Variants in MTNR1B observed in about 807,000 individuals in gnomAD.
The protein encoded by MTNR1B is melatonin receptor 1B, also known as melatonin receptor type 1B.
Under a neutral mutation model 7.0 loss-of-function variants are expected in MTNR1B, and 7 were observed. That is an observed-to-expected ratio of 1.00 (90% CI 0.57 to 1.88). The LOEUF (loss-of-function observed/expected upper bound fraction) is 1.88. Ranked by LOEUF, MTNR1B falls within the 40% of genes most tolerant of loss-of-function variation. MTNR1B has a pLI of 0.00. For missense variants in MTNR1B, 478 were observed against 486.5 expected (o/e 0.98, Z 0.16); for synonymous variants, 226 against 208.2 (o/e 1.09, Z -0.74).
At chr11:92,978,152 G>T (rs1398752172) in intron 1 of MTNR1B, among the ~76,000 whole-genome samples, 1 of 152,180 alleles carries the variant, frequency 6.6e-6, no homozygotes, top group Non-Finnish European at 1.5e-5. Context: ...GCACAGAGGA[G>T]GGGGGCAAGG....
intron 1 of MTNR1B, 73 bp downstream of exon 1, chr11:92,970,021 G>A: frequency 7.1e-7 from 1 of 1,409,698 alleles, no homozygotes; most frequent in Non-Finnish European, 9.4e-7. Context: ...CCTGACCCCG[G>A]GATATGCGCT....
chr11:92,969,808 C>A lies in MTNR1B; in HGVS notation c.83C>A (p.Ala28Glu). The A allele has an allele frequency of 6.4e-7, 1 of 1,568,062 alleles. No homozygotes were observed. ...VRPGWSGAGSARPSRTPRPPW... is the reference protein window; with the variant it reads ...VRPGWSGAGSERPSRTPRPPW... ...CCGGGCTGGTCGGGGGCTGGCAGCGCGCGGCCCTCCAGGACCCCTCGACCT... is the reference window on the plus strand; with the variant it reads ...CCGGGCTGGTCGGGGGCTGGCAGCGAGCGGCCCTCCAGGACCCCTCGACCT... Residue 28 changes from alanine to glutamate, a missense_variant, in exon 1 of 2, where the codon GCG (alanine) becomes GAG (glutamate). Transcript: ENST00000257068.
intron 1 of MTNR1B, among the ~76,000 whole-genome samples, chr11:92,973,731 A>G (rs920269473): frequency 6.6e-6 from 1 of 152,174 alleles, no homozygotes; most frequent in African/African-American, 2.4e-5. Context: ...TCACTGTACT[A>G]TTGTTCTTTG....
At chr11:92,982,987 G>A (rs1200335529), downstream of MTNR1B, among the ~76,000 whole-genome samples, 2 of 129,638 alleles carry the variant, frequency 1.5e-5, no homozygotes, top group Admixed American at 8.7e-5. Flanking sequence ...AGCATCTGGA[G>A]CACAAAGTCC....
Position 92,969,958 on chromosome 11 carries a change from A to T in MTNR1B, c.223+10A>T, listed in dbSNP as rs373074864. On this transcript the variant is annotated intron_variant, in intron 1 of 1. Transcript: ENST00000257068. ...AAGCTCCGGAACGCAGGTGAGCACC[A>T]TTCCTGATGCTGGGTGCTGGCATCG... 6.3e-7 allele frequency: 1 copy of T among 1,599,388 alleles called. No individual in the cohort carries two copies. The highest frequency in any genetic ancestry group is 1.1e-5 in the South Asian group (1 of 88,892).
intron 1 of MTNR1B, 92 bp from the exon 2 acceptor site, chr11:92,981,355 A>G: frequency 4.6e-6 from 7 of 1,511,908 alleles, no homozygotes; most frequent in Non-Finnish European, 5.3e-6. Context: ...TTCCACTCAC[A>G]TTGCCAAAAG....
rs148736119 is a variant in MTNR1B at position 92,980,883 on chromosome 11, G to A, written c.224-564G>A. Among the ~76,000 whole-genome samples the A allele has an allele frequency of 4.5e-4, 68 of 152,308 alleles. 3 individuals are homozygous for A. In the East Asian group the frequency reaches 0.013, roughly 28 times the overall value. ...TCCCACTCTCAACACCTTTCTTCTAGTCCAGCTGCAAAATGCAATTCACAT... is the reference window on the plus strand; with the variant it reads ...TCCCACTCTCAACACCTTTCTTCTAATCCAGCTGCAAAATGCAATTCACAT... On this transcript the variant is annotated intron_variant, in intron 1 of 1. Transcript: ENST00000257068.
In MTNR1B at chr11:92,981,972, T is replaced by G; in HGVS notation, c.749T>G (p.Phe250Cys). The change falls in exon 2 of 2, where the codon TTT (phenylalanine) becomes TGT (cysteine). Residue 250 changes from phenylalanine to cysteine, a missense_variant. By Grantham distance (205) the Phe-to-Cys change is radical (BLOSUM62 -2). Coordinates refer to ENST00000257068, the MANE Select transcript of MTNR1B (RefSeq NM_005959.5). Reference protein sequence around the residue: ...LCLKPSDLRSFLTMFVVFVIF... With the variant: ...LCLKPSDLRSCLTMFVVFVIF... ...CTGAAGCCCAGCGACTTGCGGAGCT[T>G]TCTAACCATGTTTGTGGTGTTTGTG... 9 of 1,614,212 alleles carry G rather than the reference T, an allele frequency of 5.6e-6. No homozygotes were observed. The highest frequency in any genetic ancestry group is 7.6e-6 in the Non-Finnish European group (9 of 1,180,024).
At chr11:92,973,991 A>G (rs889875665) in intron 1 of MTNR1B, among the ~76,000 whole-genome samples, 10 of 152,246 alleles carry the variant, frequency 6.6e-5, no homozygotes, top group African/African-American at 2.4e-4. Context: ...AGAACAGCCC[A>G]AAGTATATCT....
chr11:92,983,657 C>T (rs1455350435), downstream of MTNR1B, among the ~76,000 whole-genome samples: 1 of 152,246 alleles, frequency 6.6e-6, no homozygotes, highest in Admixed American at 6.5e-5. Flanking sequence ...ACTTTATATT[C>T]GTAGAAATCT....
At chr11:92,975,034 G>A (rs536763327) in intron 1 of MTNR1B, among the ~76,000 whole-genome samples, 4 of 152,250 alleles carry the variant, frequency 2.6e-5, no homozygotes, top group South Asian at 2.1e-4. Context: ...CACTGTGCCC[G>A]GCCTTGGGTA....
chr11:92,982,748 C>G lies in MTNR1B; in HGVS notation c.*436C>G, dbSNP rs1214585825. 1 of 208,406 alleles carries G rather than the reference C, an allele frequency of 4.8e-6. No homozygotes were observed. The highest frequency in any genetic ancestry group is 2.3e-5 in the African/African-American group (1 of 42,700). The allele number at this position is 208,406 out of a possible 1,614,324, so 12.9% of individuals were successfully genotyped here. On this transcript the variant is annotated 3_prime_UTR_variant, in exon 2 of 2. Coordinates refer to ENST00000257068, the MANE Select transcript of MTNR1B (RefSeq NM_005959.5). ...GGTCAGTAGGACTGGAACTTGGTAA[C>G]TGCAAGGGCCTCAGGTGGGGCAGGT...
chr11:92,975,996 C>A (rs1174363984), intron 1 of MTNR1B, among the ~76,000 whole-genome samples: 4 of 152,202 alleles, frequency 2.6e-5, no homozygotes, highest in Admixed American at 6.5e-5. Flanking sequence ...CTGTGAATAC[C>A]TTATTGCCTC....
At chr11:92,978,690 T>C (rs1858049566) in intron 1 of MTNR1B, among the ~76,000 whole-genome samples, 1 of 152,232 alleles carries the variant, frequency 6.6e-6, no homozygotes, top group African/African-American at 2.4e-5. Context: ...CAGATGAATC[T>C]ATAGCAGGAA....
chr11:92,979,019 G>A (rs1204488204), intron 1 of MTNR1B, among the ~76,000 whole-genome samples: 2 of 152,186 alleles, frequency 1.3e-5, no homozygotes, highest in Non-Finnish European at 2.9e-5. Flanking sequence ...CTGGAGAGAA[G>A]TGATTCTCTT....
chr11:92,969,818 C>T lies in MTNR1B; in HGVS notation c.93C>T (p.Ser31=), dbSNP rs761761675. 1 of 1,595,674 alleles carries T rather than the reference C, an allele frequency of 6.3e-7. No homozygotes were observed. Among genetic ancestry groups the T allele is most frequent in the South Asian group, 1.1e-5 (1 of 88,072 alleles). The change falls in exon 1 of 2, where the codon TCC becomes TCT. Residue 31 remains serine (S), a synonymous_variant. Coordinates refer to ENST00000257068, the MANE Select transcript of MTNR1B (RefSeq NM_005959.5). ...CGGGGGCTGGCAGCGCGCGGCCCTC[C>T]AGGACCCCTCGACCTCCCTGGGTGG... ...GWSGAGSARP[S]RTPRPPWVAP...
chr11:92,982,259 C>T lies in MTNR1B; in HGVS notation c.1036C>T (p.Gln346Ter), dbSNP rs1484032154. 1 of 1,614,178 alleles carries T rather than the reference C, an allele frequency of 6.2e-7. No individual in the cohort carries two copies. The change falls in exon 2 of 2, where the codon CAG (glutamine) becomes TAG (stop). Residue 346 changes from glutamine (Q) to a stop codon, truncating the protein, a stop_gained. Coordinates refer to ENST00000257068, the MANE Select transcript of MTNR1B (RefSeq NM_005959.5). LOFTEE classifies it low-confidence loss of function (END_TRUNC). Reference sequence around the variant, plus strand: ...CAAGGGCAGCCACGCGGAGGGGCTGCAGAGCCCAGCTCCACCCATCATTGG... The same window carrying T: ...CAAGGGCAGCCACGCGGAGGGGCTGTAGAGCCCAGCTCCACCCATCATTGG... ...ASKGSHAEGLQSPAPPIIGVQ... is the reference protein window; with the variant it reads ...ASKGSHAEGL
At chr11:92,979,592 A>G (rs1459959187) in intron 1 of MTNR1B, among the ~76,000 whole-genome samples, 1 of 152,114 alleles carries the variant, frequency 6.6e-6, no homozygotes. Flanking sequence ...AGACAGGGAA[A>G]CTCACTACCT....
At chr11:92,981,369 C>T in intron 1 of MTNR1B, 78 bp from the exon 2 acceptor site, 1 of 1,525,318 alleles carries the variant, frequency 6.6e-7, no homozygotes, top group Non-Finnish European at 8.8e-7. Context: ...CCAAAAGTAA[C>T]TTCGTGGAGG....
Sources: gnomAD v4.1 joint callset for allele counts (sites outside exome capture counted in the v4.1 genomes callset) on GRCh38, gnomAD v4.1.1 for gene constraint, MANE v1.5 for transcripts, NCBI Gene and HGNC (gene_info 2026-07-23, HGNC 2026-07-21) for gene names.